MLLT6: variants seen among roughly 807,000 people sequenced by gnomAD.
MLLT6 encodes the protein protein AF-17.
In MLLT6, 22 loss-of-function variants were observed where a neutral mutation model predicts 103.0. The observed-to-expected ratio is 0.21, with a 90% CI of 0.15 to 0.31. The LOEUF (loss-of-function observed/expected upper bound fraction) is 0.31, where lower values mean the gene tolerates loss of function less well. Among genes scored for constraint, MLLT6 ranks in the 10% least tolerant of loss-of-function variants. MLLT6 has a pLI of 1.00. For missense variants in MLLT6, 1,199 were observed against 1,441.7 expected (o/e 0.83, Z 2.73); for synonymous variants, 606 against 623.5 (o/e 0.97, Z 0.42).
chr17:38,712,393 G>A (rs1373160287), intron 7 of MLLT6, among the ~76,000 whole-genome samples: 1 of 152,230 alleles, frequency 6.6e-6, no homozygotes, highest in African/African-American at 2.4e-5. Context: ...CTGTGCAGCT[G>A]TGTCCCAGGT....
intron 12 of MLLT6, chr17:38,719,136 G>A: frequency 3.2e-6 from 1 of 308,074 alleles, no homozygotes; most frequent in Non-Finnish European, 6.0e-6. Context: ...CTTAATAACA[G>A]TCACTTCGGA....
chr17:38,722,154 G>A lies in MLLT6; in HGVS notation c.2719G>A (p.Ala907Thr), dbSNP rs918736508. Residue 907 changes from alanine (A) to threonine (T), a missense_variant, in exon 17 of 20, where the codon GCT becomes ACT. Ala to Thr is a moderately conservative substitution (Grantham distance 58, BLOSUM62 0). Around this residue, in one of 7 missense-constraint regions of MLLT6, gnomAD observed 1,034 missense variants for 1,091.5 expected, o/e 0.95. Transcript: ENST00000621332. ...GCTCCTTGGGGGGTTGAATGGGGCCGCTGCCCCCAACCCCGCAAGCTTGAG... is the reference window on the plus strand; with the variant it reads ...GCTCCTTGGGGGGTTGAATGGGGCCACTGCCCCCAACCCCGCAAGCTTGAG... ...NGLLGGLNGA[A>T]APNPASLSQA... The A allele has an allele frequency of 1.2e-5, 17 of 1,371,718 alleles. No homozygotes were observed. In the Admixed American group the frequency reaches 1.8e-4, roughly 14 times the overall value. The allele number at this position is 1,371,718 out of a possible 1,614,324, so 85.0% of individuals were successfully genotyped here.
Position 38,717,315 on chromosome 17 carries a change from G to C in MLLT6, c.1652-117G>C. ...TTTGCAGCAAGAGGGTTAGACTGGG[G>C]CATGTAGCCAGATCCCGGGGAGCAC... On this transcript the variant is annotated intron_variant, in intron 10 of 19. Transcript: ENST00000621332. The C allele has an allele frequency of 1.1e-5, 9 of 841,284 alleles. No individual in the cohort carries two copies. In the South Asian group the frequency reaches 1.5e-4, roughly 14 times the overall value. The allele number at this position is 841,284 out of a possible 1,614,324, so 52.1% of individuals were successfully genotyped here.
At chr17:38,707,274 C>T (rs1382422874) in intron 2 of MLLT6, among the ~76,000 whole-genome samples, 2 of 152,128 alleles carry the variant, frequency 1.3e-5, no homozygotes, top group Non-Finnish European at 2.9e-5. Context: ...GGGAAGTTTC[C>T]TACTCATATG....
At position 38,721,969 on chromosome 17, in the gene MLLT6, C is replaced by T. The variant is rs1245390355; in HGVS notation, c.2534C>T (p.Ala845Val). The T allele has an allele frequency of 2.7e-6, 4 of 1,504,192 alleles. No homozygotes were observed. The highest frequency in any genetic ancestry group is 3.5e-6 in the Non-Finnish European group (4 of 1,127,004). 93.2% of individuals were successfully genotyped at this position (1,504,192 alleles called of 1,614,324 possible). Residue 845 changes from alanine to valine, a missense_variant, in exon 17 of 20, where the codon GCC becomes GTC. By Grantham distance (64) the Ala-to-Val change is moderately conservative. Transcript: ENST00000621332. ...PPLPLLQQSP[A>V]TLPLALPGAP... is the part of the protein sequence containing the mutation. ...CTGCCCCTCCTCCAGCAGAGCCCTGCCACTCTGCCCCTGGCCCTGCCTGGG... is the reference window on the plus strand; with the variant it reads ...CTGCCCCTCCTCCAGCAGAGCCCTGTCACTCTGCCCCTGGCCCTGCCTGGG...
rs1218682363 is a variant in MLLT6 at position 38,726,345 on chromosome 17, CAGTG to C, written c.*748_*751del. ...GGTGGGGAGATGGAGCTGCCCGTCTCAGTGTGTGAGTGTGTGTGTGCGTGCATGT... is the reference window on the plus strand; with the variant it reads ...GGTGGGGAGATGGAGCTGCCCGTCTCTGTGAGTGTGTGTGTGCGTGCATGT... On this transcript the variant is annotated 3_prime_UTR_variant, in exon 20 of 20. Transcript: ENST00000621332. 8.6e-6 allele frequency: 2 copies of C among 233,898 alleles called. No individual in the cohort carries two copies. The highest frequency in any genetic ancestry group is 4.4e-5 in the African/African-American group (2 of 45,060). The allele number at this position is 233,898 out of a possible 1,614,324, so 14.5% of individuals were successfully genotyped here. A position where few individuals can be genotyped will look rare whatever the true frequency, so the allele number is the denominator to read the frequency against.
chr17:38,715,462 TG>T, intron 8 of MLLT6, 149 bp from the exon 9 acceptor site: 1 of 1,360,262 alleles, frequency 7.4e-7, no homozygotes, highest in Non-Finnish European at 9.6e-7. Flanking sequence ...TAGGAGCTCC[TG>T]GCCACTCCCT....
At chr17:38,712,196 G>T (rs1349190384) in intron 7 of MLLT6, 182 bp downstream of exon 7, 1 of 844,006 alleles carries the variant, frequency 1.2e-6, no homozygotes, top group Non-Finnish European at 1.4e-6. Flanking sequence ...CGGGAGCTTG[G>T]CTTCCCTGTG....
chr17:38,721,123 T>C, intron 16 of MLLT6: 1 of 324,720 alleles, frequency 3.1e-6, no homozygotes, highest in Non-Finnish European at 5.8e-6. Flanking sequence ...GAAGTATTTG[T>C]GAAGGGTTTA....
In MLLT6 at chr17:38,709,411, C is replaced by T; in HGVS notation, c.459-71C>T. The T allele has an allele frequency of 6.8e-7, 1 of 1,467,560 alleles. No homozygotes were observed. The highest frequency in any genetic ancestry group is 1.7e-5 in the Admixed American group (1 of 59,754). 90.9% of individuals were successfully genotyped at this position (1,467,560 alleles called of 1,614,324 possible). A position where few individuals can be genotyped will look rare whatever the true frequency, so the allele number is the denominator to read the frequency against. ...TCTTGGCTTCGCCTCAGCAGGGGGC[C>T]AGGAGGGTGAGAGGAAGGTGGCTCA... On this transcript the variant is annotated intron_variant, in intron 5 of 19. Transcript: ENST00000621332. The surrounding 1 kb of genome is among the most constrained non-coding windows in gnomAD (Gnocchi z 4.3).
chr17:38,721,690 G>A (rs1009829256), intron 16 of MLLT6, among the ~76,000 whole-genome samples, 188 bp from the exon 17 acceptor site: 2 of 152,198 alleles, frequency 1.3e-5, no homozygotes, highest in Non-Finnish European at 2.9e-5. Flanking sequence ...CCCAGGAAGG[G>A]GTCAGGAAAC....
chr17:38,720,221 C>T (rs1052791414), intron 14 of MLLT6, 151 bp from the exon 15 acceptor site: 13 of 808,532 alleles, frequency 1.6e-5, no homozygotes, highest in South Asian at 1.4e-4. Context: ...CAAGTCCCGC[C>T]TCTCTTCTCA....
Position 38,721,979 on chromosome 17 carries a change from C to T in MLLT6, c.2544C>T (p.Pro848=), listed in dbSNP as rs546925528. 25 of 1,495,614 alleles carry T rather than the reference C, an allele frequency of 1.7e-5. No individual in the cohort carries two copies. In the East Asian group the frequency reaches 5.3e-4, roughly 32 times the overall value. 92.6% of individuals were successfully genotyped at this position (1,495,614 alleles called of 1,614,324 possible). A position where few individuals can be genotyped will look rare whatever the true frequency, so the allele number is the denominator to read the frequency against. The change falls in exon 17 of 20, where the codon CCC becomes CCT. Residue 848 remains proline, a synonymous_variant. Coordinates refer to ENST00000621332, the MANE Select transcript of MLLT6 (RefSeq NM_005937.4). The part of the protein sequence containing the change: ...PLLQQSPATL[P]LALPGAPAPL... Reference sequence around the variant, plus strand: ...TCCAGCAGAGCCCTGCCACTCTGCCCCTGGCCCTGCCTGGGGCCCCTGCCC... The same window carrying T: ...TCCAGCAGAGCCCTGCCACTCTGCCTCTGGCCCTGCCTGGGGCCCCTGCCC...
At chr17:38,712,566 A>G in intron 7 of MLLT6, 125 bp from the exon 8 acceptor site, 1 of 672,276 alleles carries the variant, frequency 1.5e-6, no homozygotes, top group Non-Finnish European at 2.7e-6. Flanking sequence ...AGCCCTCCTC[A>G]GGGAGAGATG....
At chr17:38,722,857 A>C (rs1905838301) in intron 18 of MLLT6, 89 bp downstream of exon 18, 2 of 990,540 alleles carry the variant, frequency 2.0e-6, no homozygotes, top group South Asian at 1.4e-5. Flanking sequence ...AGGAGAGGGC[A>C]GGAGCAGGCA....
Position 38,709,634 on chromosome 17 carries a change from G to T in MLLT6, c.552+59G>T. The T allele has an allele frequency of 7.2e-7, 1 of 1,388,728 alleles. No individual in the cohort carries two copies. The allele number at this position is 1,388,728 out of a possible 1,614,324, so 86.0% of individuals were successfully genotyped here. A position where few individuals can be genotyped will look rare whatever the true frequency, so the allele number is the denominator to read the frequency against. On this transcript the variant is annotated intron_variant, in intron 6 of 19. Transcript: ENST00000621332. This position sits in a 1 kb window ranked among gnomAD's most constrained non-coding sequence, Gnocchi z 4.3. ...GTCAGCTGTGGTAAGATGGTTAGAGGGCATGGGCTCTGGGCCAGGCCAGTG... is the reference window on the plus strand; with the variant it reads ...GTCAGCTGTGGTAAGATGGTTAGAGTGCATGGGCTCTGGGCCAGGCCAGTG...
intron 1 of MLLT6, 83 bp downstream of exon 1, chr17:38,705,824 C>A: frequency 2.1e-6 from 1 of 467,652 alleles, no homozygotes; most frequent in Non-Finnish European, 3.3e-6. Context: ...CCGGAGACCT[C>A]CTGGGGCTCG....
rs757431772 is a variant in MLLT6 at position 38,727,133 on chromosome 17, G to GT, written c.*1551dup. On this transcript the variant is annotated 3_prime_UTR_variant, in exon 20 of 20. Coordinates refer to ENST00000621332, the MANE Select transcript of MLLT6 (RefSeq NM_005937.4). ...TTTCTGTTTGGGTTTTTGTTGTTGG[G>GT]TTTTTTTTTTTTTTTTAATAAAGAA... 0.081 allele frequency: 16,186 copies of GT among 199,716 alleles called. 12 individuals are homozygous for GT. The highest frequency in any genetic ancestry group is 0.14 in the East Asian group (1,823 of 13,362). The allele number at this position is 199,716 out of a possible 1,614,324, so 12.4% of individuals were successfully genotyped here.
At chr17:38,714,139 G>T (rs1905236126) in intron 8 of MLLT6, 1 of 152,210 alleles carries the variant, frequency 6.6e-6, no homozygotes, top group Non-Finnish European at 1.5e-5. Flanking sequence ...ATCCAATTAG[G>T]TTGGAAATTT....
Sources: allele counts gnomAD v4.1 joint callset (sites outside exome capture counted in the v4.1 genomes callset), GRCh38; gene constraint gnomAD v4.1.1; regional missense constraint gnomAD v4.1.1; non-coding constraint Gnocchi (gnomAD v3.1); transcripts MANE v1.5; gene names NCBI Gene and HGNC (gene_info 2026-07-23, HGNC 2026-07-21).